The following BRD3 variants were observed in gnomAD, a reference collection of about 807,000 sequenced individuals.
BRD3 encodes bromodomain-containing protein 3.
A neutral mutation model predicts 66.8 loss-of-function variants in BRD3; 17 were observed. That is an observed-to-expected ratio of 0.25 (90% confidence interval 0.17 to 0.38). The LOEUF (loss-of-function observed/expected upper bound fraction) is 0.38, where lower values mean the gene tolerates loss of function less well. Among genes scored for constraint, BRD3 ranks in the 10% least tolerant of loss-of-function variants. BRD3 has a pLI of 1.00. For synonymous variants in BRD3, 421 were observed against 393.2 expected, an observed-to-expected ratio of 1.07 and a Z score of -0.84; for missense variants, 713 against 956.1, an observed-to-expected ratio of 0.75 and a Z score of 3.35.
At chr9:134,034,665 C>T in intron 11 of BRD3, 36 bp downstream of exon 11, 2 of 1,599,560 alleles carry the variant, frequency 1.3e-6, no homozygotes, top group East Asian at 2.2e-5. Flanking sequence ...CCCCCACCCC[C>T]CTAAAGAGGG....
Position 134,050,606 on chromosome 9 carries a change from G to GATGTTCAACACACCA in BRD3, c.500-33_500-19dup. On this transcript the variant is annotated intron_variant, in intron 4 of 11. Coordinates refer to ENST00000303407, the MANE Select transcript of BRD3 (RefSeq NM_007371.4). ...CTGTGTACCTTCAAGACAAGGAAGG[G>GATGTTCAACACACCA]ATGTTCAACACACCAGGCTCCACTA... 4 of 1,588,796 alleles carry GATGTTCAACACACCA rather than the reference G, an allele frequency of 2.5e-6. No individual in the cohort carries two copies. The highest frequency in any genetic ancestry group is 3.4e-6 in the Non-Finnish European group (4 of 1,165,416).
chr9:134,057,705 G>A (rs1317327033), intron 1 of BRD3: 1 of 152,188 alleles, frequency 6.6e-6, no homozygotes, highest in East Asian at 1.9e-4. Flanking sequence ...CAAGACCCTG[G>A]GCTTCCTGTC....
At chr9:134,057,235 T>C (rs556352095) in intron 1 of BRD3, 2 of 152,356 alleles carry the variant, frequency 1.3e-5, no homozygotes, top group Admixed American at 6.5e-5. Context: ...AAATCAGTGA[T>C]GGACTACGGT....
chr9:134,052,707 C>G (rs189162203), intron 2 of BRD3, among the ~76,000 whole-genome samples: 22 of 152,344 alleles, frequency 1.4e-4, no homozygotes, highest in African/African-American at 4.6e-4. Flanking sequence ...GGTCTACATA[C>G]TGGAGATGGG....
intron 4 of BRD3, among the ~76,000 whole-genome samples, chr9:134,051,334 A>T (rs1830290258): frequency 6.6e-6 from 1 of 152,234 alleles, no homozygotes; most frequent in South Asian, 2.1e-4. Context: ...GCTCCTCCCC[A>T]GCGTGGGCTC....
In BRD3 at chr9:134,050,362, C is replaced by T; in HGVS notation, c.714+12G>A. 1 of 1,606,628 alleles carries T rather than the reference C, an allele frequency of 6.2e-7. No individual in the cohort carries two copies. The highest frequency in any genetic ancestry group is 8.5e-7 in the Non-Finnish European group (1 of 1,177,144). ...CTCAGGTGCCCCACCCATCCGGACT[C>T]AGGGTGCTCACCTTGACGACAGGCG... On this transcript the variant is annotated intron_variant, in intron 5 of 11. Transcript: ENST00000303407.
intron 1 of BRD3, among the ~76,000 whole-genome samples, chr9:134,055,550 G>A (rs1186228678): frequency 6.6e-6 from 1 of 152,216 alleles, no homozygotes; most frequent in Admixed American, 6.5e-5. Context: ...GCTCCTGAGG[G>A]TGGAGGAGTC....
Position 134,032,218 on chromosome 9 carries a change from T to C in BRD3, c.*1372A>G, listed in dbSNP as rs1252291464. On this transcript the variant is annotated 3_prime_UTR_variant, in exon 12 of 12. Coordinates refer to ENST00000303407, the MANE Select transcript of BRD3 (RefSeq NM_007371.4). The stretch of plus-strand genomic sequence containing the variant: ...TTCTATTAAACTCTGTATATTATTA[T>C]TTTTTACAATAGAAAGTTAAAAATC... 1 of 214,616 alleles carries C rather than the reference T, an allele frequency of 4.7e-6. No homozygotes were observed. Among genetic ancestry groups the C allele is most frequent in the East Asian group, 7.0e-5 (1 of 14,236 alleles). 13.3% of individuals were successfully genotyped at this position (214,616 alleles called of 1,614,324 possible).
At chr9:134,039,979 C>G in intron 9 of BRD3, 55 bp downstream of exon 9, 1 of 1,533,866 alleles carries the variant, frequency 6.5e-7, no homozygotes, top group South Asian at 1.2e-5. Context: ...CTACATGAGC[C>G]CCCATGGCGT....
At chr9:134,048,838 C>T (rs1342491535) in intron 5 of BRD3, among the ~76,000 whole-genome samples, 1 of 152,234 alleles carries the variant, frequency 6.6e-6, no homozygotes, top group Non-Finnish European at 1.5e-5. Context: ...ACCCGGGGAC[C>T]TCGGTGCTGC....
Position 134,033,444 on chromosome 9 carries a change from A to G in BRD3, c.*146T>C. ...CACAAGATAGATCTCTGACCTATGA[A>G]AGCAAAAACTGGAAGATATCATAAC... On this transcript the variant is annotated 3_prime_UTR_variant, in exon 12 of 12. Coordinates refer to ENST00000303407, the MANE Select transcript of BRD3 (RefSeq NM_007371.4). The surrounding 1 kb of genome is among the most constrained non-coding windows in gnomAD (Gnocchi z 5.1). 1 of 581,806 alleles carries G rather than the reference A, an allele frequency of 1.7e-6. No homozygotes were observed. The allele number at this position is 581,806 out of a possible 1,614,324, so 36.0% of individuals were successfully genotyped here.
intron 6 of BRD3, among the ~76,000 whole-genome samples, chr9:134,047,072 T>G (rs1375577093): frequency 6.6e-6 from 1 of 152,204 alleles, no homozygotes; most frequent in African/African-American, 2.4e-5. Flanking sequence ...CCCACGGCAG[T>G]GGAGCCAGGC....
chr9:134,032,308 TC>T lies in BRD3; in HGVS notation c.*1281del. The T allele has an allele frequency of 4.5e-6, 1 of 221,100 alleles. No individual in the cohort carries two copies. Among genetic ancestry groups the T allele is most frequent in the East Asian group, 6.6e-5 (1 of 15,070 alleles). 13.7% of individuals were successfully genotyped at this position (221,100 alleles called of 1,614,324 possible). On this transcript the variant is annotated 3_prime_UTR_variant, in exon 12 of 12. Transcript: ENST00000303407. ...AAAGTTTATATTATATAACTGGGGT[TC>T]CCTAAATTGATTTCTTTTAAAACAG...
rs1316200962 is a variant in BRD3 at position 134,050,399 on chromosome 9, A to T, written c.689T>A (p.Val230Asp). ...CTTGACGACAGGCGGCGTAGGAGGGACCACGGGGACGATGGGTGTGGCAGG... is the reference window on the plus strand; with the variant it reads ...CTTGACGACAGGCGGCGTAGGAGGGTCCACGGGGACGATGGGTGTGGCAGG... ...PPPATPIVPV[V>D]PPTPPVVKKK... is the part of the protein sequence containing the mutation. The change falls in exon 5 of 12, where the codon GTC (valine) becomes GAC (aspartate). Residue 230 changes from valine (V) to aspartate (D), a missense_variant. Around this residue, in one of 5 missense-constraint regions of BRD3, gnomAD observed 120 missense variants for 122.8 expected, o/e 0.98. Coordinates refer to ENST00000303407, the MANE Select transcript of BRD3 (RefSeq NM_007371.4). The T allele has an allele frequency of 6.2e-7, 1 of 1,611,494 alleles. No individual in the cohort carries two copies.
intron 1 of BRD3, among the ~76,000 whole-genome samples, chr9:134,060,953 C>T (rs1485342667): frequency 6.6e-6 from 1 of 152,238 alleles, no homozygotes; most frequent in African/African-American, 2.4e-5. Flanking sequence ...TAGGCTGGCC[C>T]AGCCCAGAAT....
chr9:134,063,585 G>A (rs1830587535), intron 1 of BRD3, among the ~76,000 whole-genome samples: 1 of 152,186 alleles, frequency 6.6e-6, no homozygotes. Flanking sequence ...TCCTGCAGGG[G>A]CCGGGCACCT....
At chr9:134,036,352 G>T in intron 9 of BRD3, 28 bp from the exon 10 acceptor site, 1 of 1,577,686 alleles carries the variant, frequency 6.3e-7, no homozygotes, top group Non-Finnish European at 8.6e-7. Context: ...GCAACGTGGT[G>T]TTGAGTCTCC....
chr9:134,063,010 A>G (rs1830576878), intron 1 of BRD3, among the ~76,000 whole-genome samples: 1 of 152,196 alleles, frequency 6.6e-6, no homozygotes, highest in African/African-American at 2.4e-5. Flanking sequence ...ATCTCCTCTC[A>G]GCCGGCCTGA....
intron 1 of BRD3, 96 bp from the exon 2 acceptor site, chr9:134,053,686 C>T: frequency 8.7e-7 from 1 of 1,155,736 alleles, no homozygotes; most frequent in Non-Finnish European, 1.2e-6. Flanking sequence ...ACCTGTCGGG[C>T]CTCAGCAGGG....
Sources: gnomAD v4.1 joint callset for allele counts (sites outside exome capture counted in the v4.1 genomes callset) on GRCh38, gnomAD v4.1.1 for gene constraint, gnomAD v4.1.1 regional missense constraint, Gnocchi (gnomAD v3.1) non-coding constraint, MANE v1.5 for transcripts, NCBI Gene and HGNC (gene_info 2026-07-23, HGNC 2026-07-21) for gene names.